Variants in SPATA16 observed in about 807,000 individuals in gnomAD.
SPATA16 encodes the protein spermatogenesis-associated protein 16.
SPATA16 carries 36 observed loss-of-function variants against 63.3 expected under a neutral mutation model. The ratio of observed to expected loss-of-function variants is 0.57; its 90% CI spans 0.44 to 0.75. The LOEUF is 0.75. SPATA16 is among the 30% of genes least tolerant of loss of function. The pLI is 0.00. For synonymous variants in SPATA16, 203 were observed against 216.7 expected, an observed-to-expected ratio of 0.94 and a Z score of 0.56; for missense variants, 646 against 679.3, an observed-to-expected ratio of 0.95 and a Z score of 0.54.
At chr3:172,946,941 G>T (rs1560075440) in intron 6 of SPATA16, among the ~76,000 whole-genome samples, 1 of 152,120 alleles carries the variant, frequency 6.6e-6, no homozygotes, top group African/African-American at 2.4e-5. Flanking sequence ...CAGTTGTCAT[G>T]GCCATAGGAG....
chr3:173,012,118 C>T (rs1735087441), intron 4 of SPATA16, among the ~76,000 whole-genome samples: 1 of 152,158 alleles, frequency 6.6e-6, no homozygotes, highest in African/African-American at 2.4e-5. Flanking sequence ...AGTCACCATG[C>T]CTAGCATTTT....
chr3:172,897,630 T>G (rs1009141318), intron 10 of SPATA16, among the ~76,000 whole-genome samples: 1 of 150,872 alleles, frequency 6.6e-6, no homozygotes, highest in African/African-American at 2.5e-5. Context: ...TACATTTGTC[T>G]TGTATCTTGC....
chr3:173,032,264 C>G (rs545313893), intron 3 of SPATA16, among the ~76,000 whole-genome samples: 65 of 152,156 alleles, frequency 4.3e-4, no homozygotes, highest in African/African-American at 1.5e-3. Context: ...AAGTGAACAA[C>G]AAACACCTAT....
chr3:173,002,944 A>G (rs1734858552), intron 4 of SPATA16, among the ~76,000 whole-genome samples: 1 of 152,178 alleles, frequency 6.6e-6, no homozygotes, highest in African/African-American at 2.4e-5. Flanking sequence ...AAAAGGGAAA[A>G]CTGTAAAATG....
At chr3:173,074,637 C>G (rs1278507804) in intron 2 of SPATA16, among the ~76,000 whole-genome samples, 1 of 152,040 alleles carries the variant, frequency 6.6e-6, no homozygotes, top group Non-Finnish European at 1.5e-5. Flanking sequence ...ATAAATTACC[C>G]AGTCTCGGGT....
At chr3:172,979,154 G>A (rs778221084) in intron 4 of SPATA16, among the ~76,000 whole-genome samples, 1 of 152,002 alleles carries the variant, frequency 6.6e-6, no homozygotes, top group Non-Finnish European at 1.5e-5. Flanking sequence ...GGAGGATGCC[G>A]TGAACCCAGG....
At chr3:173,009,247 T>C (rs1735005796) in intron 4 of SPATA16, among the ~76,000 whole-genome samples, 1 of 152,096 alleles carries the variant, frequency 6.6e-6, no homozygotes. Flanking sequence ...GGAGGCCAAG[T>C]TGGAATTCAC....
chr3:173,088,803 A>G (rs1737150509), intron 2 of SPATA16, among the ~76,000 whole-genome samples: 1 of 152,188 alleles, frequency 6.6e-6, no homozygotes, highest in Non-Finnish European at 1.5e-5. Context: ...TTACTCACTC[A>G]ACAAATGTTT....
intron 4 of SPATA16, among the ~76,000 whole-genome samples, chr3:172,992,679 A>G (rs1425861473): frequency 6.6e-6 from 1 of 152,088 alleles, no homozygotes; most frequent in East Asian, 1.9e-4. Context: ...GACCCTGTTA[A>G]TGTACTTCTG....
At chr3:172,956,205 G>T (rs1733590992) in intron 6 of SPATA16, among the ~76,000 whole-genome samples, 1 of 152,060 alleles carries the variant, frequency 6.6e-6, no homozygotes. Flanking sequence ...TCCTCTATGG[G>T]ACTCTTAGCT....
At chr3:173,000,479 T>C (rs977837306) in intron 4 of SPATA16, among the ~76,000 whole-genome samples, 1 of 152,206 alleles carries the variant, frequency 6.6e-6, no homozygotes, top group Non-Finnish European at 1.5e-5. Flanking sequence ...TCTTTAATCT[T>C]TGATTTTCTG....
chr3:172,959,763 T>C (rs1343153067), intron 5 of SPATA16, among the ~76,000 whole-genome samples: 1 of 144,036 alleles, frequency 6.9e-6, no homozygotes, highest in Non-Finnish European at 1.5e-5. Context: ...TACATTGCTG[T>C]TGTAAAGAAA....
At chr3:173,107,985 G>A (rs1737659197) in intron 2 of SPATA16, among the ~76,000 whole-genome samples, 1 of 152,076 alleles carries the variant, frequency 6.6e-6, no homozygotes, top group Non-Finnish European at 1.5e-5. Flanking sequence ...ATGACAATTG[G>A]TTAGGTATTG....
chr3:173,039,193 A>G (rs530516488), intron 3 of SPATA16, among the ~76,000 whole-genome samples: 5 of 152,304 alleles, frequency 3.3e-5, no homozygotes, highest in Non-Finnish European at 7.4e-5. Context: ...AGTGAGAATT[A>G]CAGAGGAAGA....
At chr3:173,080,330 GA>G (rs1396885811) in intron 2 of SPATA16, among the ~76,000 whole-genome samples, 3 of 152,208 alleles carry the variant, frequency 2.0e-5, no homozygotes, top group Non-Finnish European at 4.4e-5. Context: ...GGCAAAGACT[GA>G]AAAGAGTCAG....
At chr3:173,031,845 A>G (rs1490629569) in intron 3 of SPATA16, among the ~76,000 whole-genome samples, 1 of 152,134 alleles carries the variant, frequency 6.6e-6, no homozygotes, top group African/African-American at 2.4e-5. Flanking sequence ...TCTTCAATAG[A>G]TAATCAAGAT....
chr3:173,049,204 C>A, intron 2 of SPATA16, 110 bp from the exon 3 acceptor site: 2 of 1,249,296 alleles, frequency 1.6e-6, no homozygotes, highest in Non-Finnish European at 2.2e-6. Flanking sequence ...CTTATGCTTG[C>A]TTATATGTTT....
At chr3:172,943,799 A>G (rs1401693936) in intron 6 of SPATA16, among the ~76,000 whole-genome samples, 2 of 152,142 alleles carry the variant, frequency 1.3e-5, no homozygotes, top group African/African-American at 4.8e-5. Flanking sequence ...TCACTTCATC[A>G]AAAGTCACCG....
rs1560080255 is a variant in SPATA16, at chr3:172,961,059, CT to C, written c.934-4236del. ...TTCTTTCTTTCTTTCTTCTTTCTTT[CT>C]TTCTTCTTTCTTCCTTCCTTCCTTC... On this transcript the variant is annotated intron_variant, in intron 5 of 10. Coordinates refer to ENST00000351008, the MANE Select transcript of SPATA16 (RefSeq NM_031955.6). 2.8e-4 allele frequency among the ~76,000 whole-genome samples: 10 copies of C among 36,236 alleles called. No homozygotes were observed. The East Asian group carries it at 3.1e-3, about 11-fold the overall frequency. 23.8% of individuals were successfully genotyped at this position (36,236 alleles called of 152,430 possible). A position where few individuals can be genotyped will look rare whatever the true frequency, so the allele number is the denominator to read the frequency against.
Sources: allele counts gnomAD v4.1 joint callset (sites outside exome capture counted in the v4.1 genomes callset), GRCh38; gene constraint gnomAD v4.1.1; transcripts MANE v1.5; gene names NCBI Gene and HGNC (gene_info 2026-07-23, HGNC 2026-07-21).